The following FERMT2 variants were observed in gnomAD, a reference collection of about 807,000 sequenced individuals.
FERMT2 encodes the protein FERM domain containing kindlin 2.
FERMT2 carries 15 observed loss-of-function variants against 82.7 expected under a neutral mutation model. That is an observed-to-expected ratio of 0.18 (90% confidence interval 0.12 to 0.28). The LOEUF is 0.28. FERMT2 is among the 10% of genes least tolerant of loss of function. FERMT2 has a pLI of 1.00. For synonymous variants in FERMT2, 274 were observed against 271.5 expected, an observed-to-expected ratio of 1.01 and a Z score of -0.09; for missense variants, 645 against 809.4, an observed-to-expected ratio of 0.80 and a Z score of 2.46.
chr14:52,892,462 T>TTG, intron 4 of FERMT2, among the ~76,000 whole-genome samples: 1 of 136,714 alleles, frequency 7.3e-6, no homozygotes, highest in Middle Eastern at 4.0e-3. Flanking sequence ...TTTTGTTTTT[T>TTG]TTTTTTTTTG....
At chr14:52,916,911 C>T (rs956374167) in intron 3 of FERMT2, among the ~76,000 whole-genome samples, 2 of 152,156 alleles carry the variant, frequency 1.3e-5, no homozygotes, top group African/African-American at 4.8e-5. Context: ...AAAAAAGGAA[C>T]TTAGATGTCC....
Position 52,907,776 on chromosome 14 carries a change from CA to C in FERMT2, c.391+11346del, listed in dbSNP as rs879917243. ...TATAATCAAAACAACCACCCCCCAC[CA>C]AAAAAAAAACCCCACCAAAAACCCC... is the stretch of plus-strand genomic sequence containing the variant. On this transcript the variant is annotated intron_variant, in intron 3 of 14. Transcript: ENST00000341590. 6.6e-3 allele frequency among the ~76,000 whole-genome samples: 945 copies of C among 143,608 alleles called. 15 individuals are homozygous for C. The highest frequency in any genetic ancestry group is 0.023 in the African/African-American group (887 of 39,382). The allele number at this position is 143,608 out of a possible 152,430, so 94.2% of individuals were successfully genotyped here. A position where few individuals can be genotyped will look rare whatever the true frequency, so the allele number is the denominator to read the frequency against.
chr14:52,942,369 C>T (rs1890131252), intron 2 of FERMT2, among the ~76,000 whole-genome samples: 1 of 147,782 alleles, frequency 6.8e-6, no homozygotes, highest in East Asian at 2.0e-4. Flanking sequence ...GTGGCGCGAT[C>T]CCGGCTCACT....
At chr14:52,916,918 G>A (rs773520198) in intron 3 of FERMT2, among the ~76,000 whole-genome samples, 8 of 152,202 alleles carry the variant, frequency 5.3e-5, no homozygotes, top group Non-Finnish European at 8.8e-5. Flanking sequence ...GAACTTAGAT[G>A]TCCAATAATG....
At chr14:52,931,121 CTAAT>C (rs1240108522) in intron 2 of FERMT2, among the ~76,000 whole-genome samples, 1 of 152,024 alleles carries the variant, frequency 6.6e-6, no homozygotes, top group East Asian at 1.9e-4. Context: ...AATCAATGCA[CTAAT>C]TAATAAATAC....
chr14:52,928,161 C>T, intron 2 of FERMT2: 2 of 227,458 alleles, frequency 8.8e-6, no homozygotes, highest in Non-Finnish European at 1.9e-5. Context: ...GAAAGAAATG[C>T]AAAATTTGTT....
In FERMT2 at chr14:52,858,281, A is replaced by AAAT; in HGVS notation, c.*93_*95dup. On this transcript the variant is annotated 3_prime_UTR_variant, in exon 15 of 15. Coordinates refer to ENST00000341590, the MANE Select transcript of FERMT2 (RefSeq NM_006832.3). ...AAAGAAGTTTTCATGATAAAATGAT[A>AAAT]AATTTCAAGCTTACTTTATTAAGCA... 1 of 1,114,358 alleles carries AAAT rather than the reference A, an allele frequency of 9.0e-7. No individual in the cohort carries two copies. Among genetic ancestry groups the AAAT allele is most frequent in the East Asian group, 2.4e-5 (1 of 42,206 alleles). The allele number at this position is 1,114,358 out of a possible 1,614,324, so 69.0% of individuals were successfully genotyped here. A position where few individuals can be genotyped will look rare whatever the true frequency, so the allele number is the denominator to read the frequency against.
At chr14:52,917,848 G>A (rs563780828) in intron 3 of FERMT2, among the ~76,000 whole-genome samples, 4 of 152,202 alleles carry the variant, frequency 2.6e-5, no homozygotes, top group African/African-American at 7.2e-5. Context: ...ATAAGCAGCA[G>A]GCAGGGCTCT....
chr14:52,931,508 G>A (rs1889567382), intron 2 of FERMT2, among the ~76,000 whole-genome samples: 1 of 152,146 alleles, frequency 6.6e-6, no homozygotes, highest in South Asian at 2.1e-4. Context: ...CCTGACATAA[G>A]GCAGAAGGTG....
intron 4 of FERMT2, among the ~76,000 whole-genome samples, chr14:52,882,810 T>C (rs1886368769): frequency 6.6e-6 from 1 of 151,216 alleles, no homozygotes; most frequent in Admixed American, 6.6e-5. Flanking sequence ...AAAAAAAAAG[T>C]TTTTACTGAA....
chr14:52,888,154 T>G (rs916150687), intron 4 of FERMT2, among the ~76,000 whole-genome samples: 46 of 152,244 alleles, frequency 3.0e-4, no homozygotes, highest in Admixed American at 6.5e-4. Flanking sequence ...TCTCCAACCA[T>G]TAAAAATCAG....
At chr14:52,901,280 CAAAA>C (rs10638877) in intron 3 of FERMT2, among the ~76,000 whole-genome samples, 1 of 57,258 alleles carries the variant, frequency 1.7e-5, no homozygotes, top group Non-Finnish European at 2.9e-5. Flanking sequence ...GACTCTGTCT[CAAAA>C]AAAAAAAAAA....
chr14:52,917,309 T>C (rs1888670994), intron 3 of FERMT2, among the ~76,000 whole-genome samples: 1 of 152,102 alleles, frequency 6.6e-6, no homozygotes, highest in African/African-American at 2.4e-5. Flanking sequence ...TGTGTGTCTG[T>C]GTATTTTACA....
At chr14:52,929,405 T>C (rs1477115426) in intron 2 of FERMT2, among the ~76,000 whole-genome samples, 1 of 152,200 alleles carries the variant, frequency 6.6e-6, no homozygotes, top group Non-Finnish European at 1.5e-5. Context: ...AGTCATCTTT[T>C]CAGCGCTTTC....
In FERMT2 at chr14:52,948,451, C is replaced by T. The variant is rs1340567260; in HGVS notation, c.157+1961G>A. 1.5e-5 allele frequency: 6 copies of T among 390,880 alleles called. No homozygotes were observed. The East Asian group carries it at 4.6e-4, about 30-fold the overall frequency. 24.2% of individuals were successfully genotyped at this position (390,880 alleles called of 1,614,324 possible). A position where few individuals can be genotyped will look rare whatever the true frequency, so the allele number is the denominator to read the frequency against. On this transcript the variant is annotated intron_variant, in intron 2 of 14. Coordinates refer to ENST00000341590, the MANE Select transcript of FERMT2 (RefSeq NM_006832.3). The stretch of plus-strand genomic sequence containing the variant: ...AAGCATCACTTAGCTCTACTTTTAC[C>T]AAACAGGAAAGTCAGAGGCACTTTC...
rs916461311 is a variant in FERMT2 at position 52,858,234 on chromosome 14, A to G, written c.*143T>C. On this transcript the variant is annotated 3_prime_UTR_variant, in exon 15 of 15. Transcript: ENST00000341590. ...TAATAGTCGTGCTTGTTTAGTGCAC[A>G]TATTAACTGGTCTGGTAAGGCAAAG... The G allele has an allele frequency of 1.5e-6, 1 of 662,130 alleles. No homozygotes were observed. Among genetic ancestry groups the G allele is most frequent in the South Asian group, 2.0e-5 (1 of 51,078 alleles). The allele number at this position is 662,130 out of a possible 1,614,324, so 41.0% of individuals were successfully genotyped here.
In FERMT2 at chr14:52,858,501, T is replaced by G. The variant is rs962468300; in HGVS notation, c.1919A>C (p.Glu640Ala). The G allele has an allele frequency of 1.3e-5, 21 of 1,613,978 alleles. No homozygotes were observed. Among genetic ancestry groups the G allele is most frequent in the Non-Finnish European group, 1.7e-5 (20 of 1,180,002 alleles). ...TTCATGAACCACTTTGCAATCTACT[T>G]CAGTACAAATGAAGGACAATCGTAC... ...DEVRLSFICT[E>A]VDCKVVHEFI... Residue 640 changes from glutamate to alanine, a missense_variant, in exon 15 of 15, where the codon GAA becomes GCA. Transcript: ENST00000341590.
At chr14:52,947,854 G>C (rs1390135709) in intron 2 of FERMT2, among the ~76,000 whole-genome samples, 1 of 152,188 alleles carries the variant, frequency 6.6e-6, no homozygotes, top group Non-Finnish European at 1.5e-5. Context: ...ACAATGTTGA[G>C]GGAATAGGTC....
Position 52,919,116 on chromosome 14 carries a change from T to C in FERMT2, c.391+7A>G. ...CGTATTTTAAGAAGAATTTATGTAA[T>C]ACTTACTAAAAGTCTTACAGATGTC... is the stretch of plus-strand genomic sequence containing the variant. On this transcript the variant is annotated splice_region_variant and intron_variant, in intron 3 of 14. Coordinates refer to ENST00000341590, the MANE Select transcript of FERMT2 (RefSeq NM_006832.3). 1 of 1,564,444 alleles carries C rather than the reference T, an allele frequency of 6.4e-7. No individual in the cohort carries two copies. Among genetic ancestry groups the C allele is most frequent in the Non-Finnish European group, 8.8e-7 (1 of 1,135,672 alleles).
Sources: gnomAD v4.1 joint callset for allele counts (sites outside exome capture counted in the v4.1 genomes callset) on GRCh38, gnomAD v4.1.1 for gene constraint, MANE v1.5 for transcripts, NCBI Gene and HGNC (gene_info 2026-07-23, HGNC 2026-07-21) for gene names.